Variants in CSPP1 observed in about 807,000 individuals in gnomAD.
CSPP1 encodes the protein centrosome and spindle pole-associated protein 1.
CSPP1 carries 126 observed loss-of-function variants against 164.4 expected under a neutral mutation model. The ratio of observed to expected loss-of-function variants is 0.77; its 90% CI spans 0.66 to 0.89. CSPP1 has a LOEUF of 0.89. Among genes scored for constraint, CSPP1 ranks in the 40% least tolerant of loss-of-function variants. The pLI, the probability that CSPP1 is intolerant of heterozygous loss-of-function variation, is 0.00. For synonymous variants in CSPP1, 472 were observed against 476.7 expected, an observed-to-expected ratio of 0.99 and a Z score of 0.13; for missense variants, 1,395 against 1,449.8, an observed-to-expected ratio of 0.96 and a Z score of 0.61.
rs863225191 is a variant in CSPP1 at position 67,159,049 on chromosome 8, AAAGAAAG to A, written c.2463_2469del (p.Glu822LysfsTer17). The A allele has an allele frequency of 3.7e-6, 6 of 1,612,664 alleles. No individual in the cohort carries two copies. The East Asian group carries it at 6.7e-5, about 18-fold the overall frequency. On this transcript the variant is annotated frameshift_variant, in exon 21 of 31. Coordinates refer to ENST00000678616, the MANE Select transcript of CSPP1 (RefSeq NM_001382391.1). LOFTEE classifies it high-confidence loss of function. ...GCTGAAGAAAGACAAAAAGAAGCAG[AAAGAAAG>A]AAGAAAGAAGAAGAAGAAAAATATA...
intron 16 of CSPP1, among the ~76,000 whole-genome samples, chr8:67,133,017 C>G (rs1325391641): frequency 6.6e-6 from 1 of 152,090 alleles, no homozygotes; most frequent in Non-Finnish European, 1.5e-5. Context: ...ACAGAATTAC[C>G]AACCTTTTTT....
intron 4 of CSPP1, among the ~76,000 whole-genome samples, chr8:67,087,890 A>G (rs944109145): frequency 6.6e-6 from 1 of 152,202 alleles, no homozygotes; most frequent in Non-Finnish European, 1.5e-5. Flanking sequence ...ATTGCTGCCC[A>G]ACTTCTTAAC....
At chr8:67,070,433 A>G (rs982350576) in intron 1 of CSPP1, among the ~76,000 whole-genome samples, 3 of 149,994 alleles carry the variant, frequency 2.0e-5, no homozygotes, top group African/African-American at 7.4e-5. Context: ...ACTGCACTCC[A>G]GCCTAGGTGA....
At position 67,189,915 on chromosome 8, in the gene CSPP1, C is replaced by T. The variant is rs1353775201; in HGVS notation, c.3221-735C>T. On this transcript the variant is annotated intron_variant, in intron 28 of 30. Coordinates refer to ENST00000678616, the MANE Select transcript of CSPP1 (RefSeq NM_001382391.1). ...TATTTGTCCATGTCAAATTAGCTACCGATCCACTAGAATGATTATAAGCAA... is the reference window on the plus strand; with the variant it reads ...TATTTGTCCATGTCAAATTAGCTACTGATCCACTAGAATGATTATAAGCAA... 5.3e-5 allele frequency among the ~76,000 whole-genome samples: 8 copies of T among 151,924 alleles called. No homozygotes were observed. The East Asian group carries it at 1.2e-3, about 22-fold the overall frequency.
At chr8:67,150,986 T>G (rs1279886005) in intron 18 of CSPP1, among the ~76,000 whole-genome samples, 1 of 152,218 alleles carries the variant, frequency 6.6e-6, no homozygotes, top group African/African-American at 2.4e-5. Flanking sequence ...AAAATATTTG[T>G]GACTGATCAT....
chr8:67,080,566 T>C (rs932619573), intron 3 of CSPP1, among the ~76,000 whole-genome samples: 1 of 152,232 alleles, frequency 6.6e-6, no homozygotes, highest in Non-Finnish European at 1.5e-5. Context: ...CTGCCTTCAC[T>C]TCAGACTCCA....
At chr8:67,169,068 A>G (rs1364724148) in intron 24 of CSPP1, among the ~76,000 whole-genome samples, 1 of 152,166 alleles carries the variant, frequency 6.6e-6, no homozygotes, top group Non-Finnish European at 1.5e-5. Context: ...GATCCCAGCT[A>G]TCTTGTCTTG....
At chr8:67,125,078 A>C (rs1312366338) in intron 15 of CSPP1, among the ~76,000 whole-genome samples, 1 of 151,920 alleles carries the variant, frequency 6.6e-6, no homozygotes, top group African/African-American at 2.4e-5. Context: ...GGCGTTCTTT[A>C]TTTGTTTGTG....
At chr8:67,083,348 A>G (rs1182832144) in intron 3 of CSPP1, among the ~76,000 whole-genome samples, 1 of 151,416 alleles carries the variant, frequency 6.6e-6, no homozygotes, top group Non-Finnish European at 1.5e-5. Flanking sequence ...CCTGGCCAAT[A>G]TGGTGAAACC....
chr8:67,143,052 C>T (rs1823814549), intron 17 of CSPP1, among the ~76,000 whole-genome samples: 1 of 151,982 alleles, frequency 6.6e-6, no homozygotes, highest in African/African-American at 2.4e-5. Flanking sequence ...AGTTACATAC[C>T]TTGTTCGAAT....
chr8:67,166,777 GA>G, intron 24 of CSPP1, among the ~76,000 whole-genome samples: 1 of 151,688 alleles, frequency 6.6e-6, no homozygotes. Flanking sequence ...CGCAGAGGGG[GA>G]TTTTGTAGGG....
rs1259883780 is a variant in CSPP1, at chr8:67,131,993, A to G, written c.1740A>G (p.Gln580=). 1 of 1,613,536 alleles carries G rather than the reference A, an allele frequency of 6.2e-7. No individual in the cohort carries two copies. Among genetic ancestry groups the G allele is most frequent in the Non-Finnish European group, 8.5e-7 (1 of 1,179,554 alleles). The change falls in exon 16 of 31, where the codon CAA becomes CAG. Residue 580 remains glutamine (Q), a synonymous_variant. Coordinates refer to ENST00000678616, the MANE Select transcript of CSPP1 (RefSeq NM_001382391.1). ...GQNELKITSD[Q]VINSGLIFED... is the part of the protein sequence containing the mutation. ...ATGAACTGAAGATTACAAGTGATCA[A>G]GTGATAAATTCAGGATTGATTTTTG...
chr8:67,153,916 C>CT (rs374589552), intron 18 of CSPP1, 108 bp from the exon 19 acceptor site: 12,394 of 448,158 alleles, frequency 0.028, no homozygotes, highest in South Asian at 0.036. Context: ...AATCTTTGGA[C>CT]TTTTTTTTTT....
Position 67,066,214 on chromosome 8 carries a change from C to A in CSPP1, c.-11+1676C>A, listed in dbSNP as rs1346231697. Among the ~76,000 whole-genome samples, 4 of 152,148 alleles carry A rather than the reference C, an allele frequency of 2.6e-5. No homozygotes were observed. The East Asian group carries it at 7.7e-4, about 29-fold the overall frequency. ...TGTCTCCCAGCCTCCCTCTCTTTCC[C>A]CCAGCAACAGTATTTACATCTTAGC... is the stretch of plus-strand genomic sequence containing the variant. On this transcript the variant is annotated intron_variant, in intron 1 of 30. Transcript: ENST00000678616.
chr8:67,136,262 T>A (rs932761797), intron 16 of CSPP1, among the ~76,000 whole-genome samples: 1 of 152,016 alleles, frequency 6.6e-6, no homozygotes, highest in African/African-American at 2.4e-5. Flanking sequence ...GCCACAAACC[T>A]TCGATTTGTA....
At chr8:67,082,120 T>G (rs765123254) in intron 3 of CSPP1, among the ~76,000 whole-genome samples, 28 of 152,324 alleles carry the variant, frequency 1.8e-4, no homozygotes, top group Middle Eastern at 3.4e-3. Flanking sequence ...CGATCTCGGC[T>G]CACTGCAACC....
chr8:67,190,734 G>A lies in CSPP1; in HGVS notation c.3305G>A (p.Arg1102Lys), dbSNP rs1466195356. 2 of 1,612,712 alleles carry A rather than the reference G, an allele frequency of 1.2e-6. No individual in the cohort carries two copies. The highest frequency in any genetic ancestry group is 1.7e-5 in the Admixed American group (1 of 59,984). Reference protein sequence around the residue: ...SQLPSARERRRNKWKGLDIDS... With the variant: ...SQLPSARERRKNKWKGLDIDS... ...TTGCCCTCTGCACGGGAGCGCAGGA[G>A]GAACAAATGGAAAGGACTAGACATT... Residue 1102 changes from arginine (R) to lysine (K), a missense_variant, in exon 29 of 31, where the codon AGG becomes AAG. Coordinates refer to ENST00000678616, the MANE Select transcript of CSPP1 (RefSeq NM_001382391.1).
At chr8:67,098,288 T>G (rs1262299038) in intron 7 of CSPP1, among the ~76,000 whole-genome samples, 1 of 151,206 alleles carries the variant, frequency 6.6e-6, no homozygotes, top group African/African-American at 2.4e-5. Flanking sequence ...AAGTTTTCTT[T>G]GGTCTTTTTT....
intron 21 of CSPP1, among the ~76,000 whole-genome samples, chr8:67,161,460 A>AT (rs1828332181): frequency 6.6e-6 from 1 of 151,930 alleles, no homozygotes; most frequent in African/African-American, 2.4e-5. Context: ...TTGTTATTTA[A>AT]TTTTTTTGTA....
Sources: gnomAD v4.1 joint callset for allele counts (sites outside exome capture counted in the v4.1 genomes callset) on GRCh38, gnomAD v4.1.1 for gene constraint, MANE v1.5 for transcripts, NCBI Gene and HGNC (gene_info 2026-07-23, HGNC 2026-07-21) for gene names.